SFMBT2: variants seen among roughly 807,000 people sequenced by gnomAD.
SFMBT2 encodes the protein scm-like with four MBT domains protein 2.
SFMBT2 carries 38 observed loss-of-function variants against 110.1 expected under a neutral mutation model. That is an observed-to-expected ratio of 0.35 (90% CI 0.27 to 0.45). The LOEUF is 0.45. Ranked by LOEUF, SFMBT2 falls within the 20% of genes least tolerant of loss-of-function variation. The pLI, the probability that SFMBT2 is intolerant of heterozygous loss-of-function variation, is 1.00. For missense variants in SFMBT2, 1,011 were observed against 1,094.9 expected (o/e 0.92, Z 1.08); for synonymous variants, 425 against 425.4 (o/e 1.00, Z 0.01).
chr10:7,375,380 G>A (rs1845171409), intron 2 of SFMBT2, among the ~76,000 whole-genome samples: 1 of 152,146 alleles, frequency 6.6e-6, no homozygotes, highest in Admixed American at 6.5e-5. Flanking sequence ...ATTAAAGCCT[G>A]TGCCCACTAC....
chr10:7,209,331 G>GA (rs1839258999), intron 11 of SFMBT2, among the ~76,000 whole-genome samples: 1 of 152,220 alleles, frequency 6.6e-6, no homozygotes, highest in African/African-American at 2.4e-5. Flanking sequence ...TTTTGGCTAA[G>GA]ATCAAGCGAA....
At chr10:7,313,997 T>C (rs901049353) in intron 4 of SFMBT2, among the ~76,000 whole-genome samples, 2 of 152,234 alleles carry the variant, frequency 1.3e-5, no homozygotes, top group Admixed American at 6.5e-5. Context: ...CACATTTTAC[T>C]TTATATATTT....
chr10:7,306,217 G>A (rs763127835), intron 4 of SFMBT2, among the ~76,000 whole-genome samples: 12 of 152,204 alleles, frequency 7.9e-5, no homozygotes, highest in South Asian at 2.1e-4. Context: ...AGTGCTCTCC[G>A]GCAGGCTTCA....
intron 4 of SFMBT2, among the ~76,000 whole-genome samples, chr10:7,323,701 T>C (rs1431954792): frequency 1.3e-5 from 2 of 152,152 alleles, no homozygotes; most frequent in Admixed American, 1.3e-4. Flanking sequence ...TGTCCAAAAA[T>C]AAAGTTTGTT....
chr10:7,383,298 G>C (rs1441950398), intron 1 of SFMBT2, among the ~76,000 whole-genome samples: 1 of 152,144 alleles, frequency 6.6e-6, no homozygotes, highest in African/African-American at 2.4e-5. Context: ...GAGCTCAGGA[G>C]TTCATGGTCA....
intron 4 of SFMBT2, among the ~76,000 whole-genome samples, chr10:7,342,081 A>AC (rs1564448834): frequency 2.0e-5 from 3 of 146,746 alleles, no homozygotes; most frequent in African/African-American, 7.4e-5. Flanking sequence ...TCACTGCCTC[A>AC]TTAAAAAAAA....
chr10:7,372,607 C>T (rs1845093404), intron 2 of SFMBT2, among the ~76,000 whole-genome samples: 1 of 152,200 alleles, frequency 6.6e-6, no homozygotes, highest in Non-Finnish European at 1.5e-5. Flanking sequence ...GCGTCACAGA[C>T]ACAGCGAAGT....
chr10:7,163,935 G>C lies in SFMBT2; in HGVS notation c.2545-25C>G, dbSNP rs1588753674. Reference sequence around the variant, plus strand: ...CCTGCAGGAAAAGAAAGGCAGGTTAGAGAAGGGGCAGTGTGCACTGGGGTA... The same window carrying C: ...CCTGCAGGAAAAGAAAGGCAGGTTACAGAAGGGGCAGTGTGCACTGGGGTA... On this transcript the variant is annotated intron_variant, in intron 20 of 20. Coordinates refer to ENST00000397167, the MANE Select transcript of SFMBT2 (RefSeq NM_001387889.1). This position sits in a 1 kb window ranked among gnomAD's most constrained non-coding sequence, Gnocchi z 4.8. 6.2e-7 allele frequency: 1 copy of C among 1,608,252 alleles called. No individual in the cohort carries two copies. The highest frequency in any genetic ancestry group is 8.5e-7 in the Non-Finnish European group (1 of 1,176,894).
intron 7 of SFMBT2, among the ~76,000 whole-genome samples, chr10:7,255,118 C>T (rs112707939): frequency 0.02 from 2,974 of 152,298 alleles, 35 homozygotes; most frequent in South Asian, 0.047. Context: ...AGACCACTTA[C>T]TTTGGGCTGT....
intron 20 of SFMBT2, among the ~76,000 whole-genome samples, chr10:7,168,063 C>G (rs1425755504): frequency 8.6e-6 from 1 of 115,990 alleles, no homozygotes; most frequent in African/African-American, 3.0e-5. Context: ...AGTAAAACTC[C>G]ATCTCAAAAA....
chr10:7,278,194 G>A (rs1841841622), intron 6 of SFMBT2, among the ~76,000 whole-genome samples: 1 of 152,054 alleles, frequency 6.6e-6, no homozygotes, highest in Admixed American at 6.6e-5. Flanking sequence ...CTTCTTAGTA[G>A]TAGCTAACGT....
chr10:7,286,739 G>A (rs1321283524), intron 4 of SFMBT2, among the ~76,000 whole-genome samples: 1 of 152,052 alleles, frequency 6.6e-6, no homozygotes, highest in Non-Finnish European at 1.5e-5. Flanking sequence ...GCAAATTTTG[G>A]TATCCTTGGG....
intron 9 of SFMBT2, among the ~76,000 whole-genome samples, chr10:7,233,708 A>G (rs1159269252): frequency 2.0e-5 from 3 of 152,214 alleles, no homozygotes; most frequent in Non-Finnish European, 4.4e-5. Context: ...CATTTTTGCA[A>G]TGCCTTACTC....
intron 4 of SFMBT2, among the ~76,000 whole-genome samples, chr10:7,310,766 C>T (rs1842828957): frequency 6.6e-6 from 1 of 152,134 alleles, no homozygotes; most frequent in African/African-American, 2.4e-5. Flanking sequence ...TCAGCCAGGG[C>T]TAGACGCGGT....
At chr10:7,406,422 C>T (rs1846209733) in intron 1 of SFMBT2, among the ~76,000 whole-genome samples, 1 of 150,208 alleles carries the variant, frequency 6.7e-6, no homozygotes, top group South Asian at 2.1e-4. Context: ...TTCCATCGCT[C>T]ACTATTTCTT....
chr10:7,229,708 C>A (rs1840056507), intron 9 of SFMBT2, among the ~76,000 whole-genome samples: 1 of 144,618 alleles, frequency 6.9e-6, no homozygotes, highest in Admixed American at 7.0e-5. Flanking sequence ...CTCAATATAT[C>A]CTATTTTTTG....
At chr10:7,240,386 A>T (rs1840393543) in intron 9 of SFMBT2, among the ~76,000 whole-genome samples, 1 of 152,182 alleles carries the variant, frequency 6.6e-6, no homozygotes, top group Non-Finnish European at 1.5e-5. Context: ...CATTAGAAGG[A>T]TCTCCAAAGT....
intron 4 of SFMBT2, among the ~76,000 whole-genome samples, chr10:7,365,979 A>AAAAAG (rs899609814): frequency 1.3e-5 from 2 of 151,990 alleles, no homozygotes; most frequent in African/African-American, 4.8e-5. Flanking sequence ...TTAGATCTTA[A>AAAAAG]AAAAGAAAAG....
In SFMBT2 at chr10:7,202,484, T is replaced by C. The variant is rs1192660898; in HGVS notation, c.1483A>G (p.Lys495Glu). The change falls in exon 13 of 21, where the codon AAA (lysine) becomes GAA (glutamate). Residue 495 changes from lysine to glutamate, a missense_variant. Around this residue, in one of 2 missense-constraint regions of SFMBT2, gnomAD observed 979 missense variants for 1,016.1 expected, o/e 0.96. Transcript: ENST00000397167. ...KRKIAVVQPE[K>E]QLPPTVPVKK... ...GGAGGGGAAAAAAGCACGTACTGTT[T>C]CTCTGGTTGCACGACTGCAATCTTT... 1 of 1,614,182 alleles carries C rather than the reference T, an allele frequency of 6.2e-7. No individual in the cohort carries two copies.
Sources: allele counts gnomAD v4.1 joint callset (sites outside exome capture counted in the v4.1 genomes callset), GRCh38; gene constraint gnomAD v4.1.1; regional missense constraint gnomAD v4.1.1; non-coding constraint Gnocchi (gnomAD v3.1); transcripts MANE v1.5; gene names NCBI Gene and HGNC (gene_info 2026-07-23, HGNC 2026-07-21).